KDM5A: variants seen among roughly 807,000 people sequenced by gnomAD.
KDM5A encodes the protein lysine-specific demethylase 5A.
Under a neutral mutation model 193.5 loss-of-function variants are expected in KDM5A, and 42 were observed. The ratio of observed to expected loss-of-function variants is 0.22; its 90% CI spans 0.17 to 0.28. The LOEUF (loss-of-function observed/expected upper bound fraction) is 0.28. Among genes scored for constraint, KDM5A ranks in the 10% least tolerant of loss-of-function variants. The probability of loss-of-function intolerance (pLI) is 1.00; values close to 1 mark genes in which losing one functional copy is unlikely to be tolerated. For missense variants in KDM5A, 1,692 were observed against 2,055.1 expected (o/e 0.82, Z 3.42); for synonymous variants, 796 against 718.1 (o/e 1.11, Z -1.73).
chr12:287,535 A>G (rs1943235101), intron 27 of KDM5A, among the ~76,000 whole-genome samples: 1 of 151,846 alleles, frequency 6.6e-6, no homozygotes, highest in Non-Finnish European at 1.5e-5. Flanking sequence ...GCATCTGTGC[A>G]AAATGTAAAA....
rs11830471 is a variant in KDM5A at position 311,906 on chromosome 12, C to T, written c.3037-842G>A. ...AAAATTAGCTAGGCGTGCTGGCATG[C>T]GCCTGTAGTCCCAGCTACTTGGGAA... On this transcript the variant is annotated intron_variant, in intron 20 of 27. Transcript: ENST00000399788. Among the ~76,000 whole-genome samples the T allele has an allele frequency of 3.8e-3, 571 of 152,208 alleles. 5 individuals carry two copies. Among genetic ancestry groups the T allele is most frequent in the African/African-American group, 0.013 (538 of 41,538 alleles).
chr12:378,740 C>T (rs371263361), intron 3 of KDM5A, among the ~76,000 whole-genome samples: 4 of 152,122 alleles, frequency 2.6e-5, no homozygotes, highest in East Asian at 1.9e-4. Context: ...GGGCGGATCA[C>T]GAGGTCAGGA....
intron 14 of KDM5A, among the ~76,000 whole-genome samples, chr12:325,884 A>T (rs1051406050): frequency 2.6e-5 from 4 of 152,094 alleles, no homozygotes; most frequent in East Asian, 1.9e-4. Flanking sequence ...CAAGGTGGTG[A>T]ACGCCTGTAA....
In KDM5A at chr12:352,280, TA is replaced by T; in HGVS notation, c.1073del (p.Val358AspfsTer32). The T allele has an allele frequency of 6.2e-7, 1 of 1,612,802 alleles. No homozygotes were observed. The highest frequency in any genetic ancestry group is 8.5e-7 in the Non-Finnish European group (1 of 1,178,812). On this transcript the variant is annotated frameshift_variant, in exon 9 of 28. Transcript: ENST00000399788. LOFTEE classifies it high-confidence loss of function. Reference sequence around the variant, plus strand: ...CAAAGCTCTGAAGTGTATACTCTCGTACAGCTTGTTCAAATCCAAAGGCTTC... The same window carrying T: ...CAAAGCTCTGAAGTGTATACTCTCGTCAGCTTGTTCAAATCCAAAGGCTTC... ...PREAFGFEQA[V>X]REYTLQSFGE...
intron 12 of KDM5A, among the ~76,000 whole-genome samples, chr12:332,646 T>G: frequency 6.6e-6 from 1 of 152,204 alleles, no homozygotes; most frequent in East Asian, 1.9e-4. Flanking sequence ...CATTATCTCA[T>G]GTATTAAAAG....
At position 318,383 on chromosome 12, in the gene KDM5A, GT is replaced by G; in HGVS notation, c.2619del (p.Lys873AsnfsTer5). On this transcript the variant is annotated frameshift_variant, in exon 19 of 28. Transcript: ENST00000399788. LOFTEE classifies it high-confidence loss of function. The part of the protein sequence containing the change: ...AMMDETPDSS[K>X]LQMLIDMGSS... ...GAGCCCATATCTATCAACATCTGGA[GT>G]TTGGAAGAATCTGGGGTTTCATCCA... 6.2e-7 allele frequency: 1 copy of G among 1,614,142 alleles called. No homozygotes were observed. The highest frequency in any genetic ancestry group is 8.5e-7 in the Non-Finnish European group (1 of 1,180,000).
chr12:370,250 G>A (rs191960383), intron 3 of KDM5A, among the ~76,000 whole-genome samples: 8 of 152,166 alleles, frequency 5.3e-5, no homozygotes, highest in East Asian at 1.9e-4. Flanking sequence ...AAAATTAGCA[G>A]GGCGTGGTGG....
chr12:384,032 T>C lies in KDM5A; in HGVS notation c.365A>G (p.Lys122Arg). 1 of 1,613,904 alleles carries C rather than the reference T, an allele frequency of 6.2e-7. No homozygotes were observed. Among genetic ancestry groups the C allele is most frequent in the Non-Finnish European group, 8.5e-7 (1 of 1,179,800 alleles). ...RKILDLYALS[K>R]IVASKGGFEM... is the part of the protein sequence containing the mutation. Reference sequence around the variant, plus strand: ...TTTCTAAACCAGTATGAGCCTCACCTTGCTCAAAGCATACAGATCCAGGAT... The same window carrying C: ...TTTCTAAACCAGTATGAGCCTCACCCTGCTCAAAGCATACAGATCCAGGAT... The change falls in exon 3 of 28, where the codon AAG becomes AGG. Residue 122 changes from lysine to arginine, a missense_variant and splice_region_variant. Around this residue, in one of 11 missense-constraint regions of KDM5A, gnomAD observed 120 missense variants for 172.0 expected, o/e 0.70. Transcript: ENST00000399788.
rs1943179706 is a variant in KDM5A at position 283,450 on chromosome 12, A to G, written c.*2006T>C. On this transcript the variant is annotated 3_prime_UTR_variant, in exon 28 of 28. Transcript: ENST00000399788. ...CTAACAAACCTCTGAACAAGTCAAA[A>G]CACTCAAAATGTTATACAGTATTAA... The G allele has an allele frequency of 4.3e-6, 1 of 232,870 alleles. No homozygotes were observed. The highest frequency in any genetic ancestry group is 8.5e-6 in the Non-Finnish European group (1 of 117,644). The allele number at this position is 232,870 out of a possible 1,614,324, so 14.4% of individuals were successfully genotyped here.
chr12:328,831 T>C lies in KDM5A; in HGVS notation c.1968+4A>G. ...AACATAGAAAATGTGCTCAGCAAAC[T>C]CACCATCTGTACAACAGACTCTCTT... is the stretch of plus-strand genomic sequence containing the variant. On this transcript the variant is annotated splice_donor_region_variant and intron_variant, in intron 14 of 27. Transcript: ENST00000399788. 4 of 1,613,390 alleles carry C rather than the reference T, an allele frequency of 2.5e-6. No homozygotes were observed. Among genetic ancestry groups the C allele is most frequent in the Non-Finnish European group, 2.5e-6 (3 of 1,179,890 alleles).
At position 317,009 on chromosome 12, in the gene KDM5A, A is replaced by G. The variant is rs547492808; in HGVS notation, c.2897+1097T>C. 8.5e-5 allele frequency among the ~76,000 whole-genome samples: 13 copies of G among 152,336 alleles called. No homozygotes were observed. The East Asian group carries it at 2.3e-3, about 27-fold the overall frequency. The stretch of plus-strand genomic sequence containing the variant: ...CTCATCCTCACAATAGAAATTATAT[A>G]AATATTAATCTTAGCTGCTAGAGAA... On this transcript the variant is annotated intron_variant, in intron 19 of 27. Transcript: ENST00000399788.
At chr12:356,894 C>T (rs141017644) in intron 5 of KDM5A, among the ~76,000 whole-genome samples, 209 of 152,324 alleles carry the variant, frequency 1.4e-3, no homozygotes, top group Middle Eastern at 0.01. Context: ...CTGTGACTGT[C>T]CTAAGCCAAT....
intron 10 of KDM5A, among the ~76,000 whole-genome samples, chr12:347,359 G>A (rs187213122): frequency 1.7e-3 from 255 of 148,518 alleles, no homozygotes; most frequent in Non-Finnish European, 3.0e-3. Flanking sequence ...TCCATTCAAC[G>A]CCATCCCCAT....
chr12:339,660 C>CA (rs2137433102), intron 10 of KDM5A, among the ~76,000 whole-genome samples: 1 of 152,264 alleles, frequency 6.6e-6, no homozygotes, highest in East Asian at 1.9e-4. Context: ...TTACTTAACT[C>CA]AAAGAGTCAC....
At chr12:365,809 A>G in intron 4 of KDM5A, 125 bp downstream of exon 4, 1 of 743,146 alleles carries the variant, frequency 1.3e-6, no homozygotes, top group Non-Finnish European at 2.4e-6. Flanking sequence ...TGATTTTTAC[A>G]CTATGATATA....
chr12:329,942 T>C (rs1565535836), intron 13 of KDM5A, among the ~76,000 whole-genome samples: 1 of 152,094 alleles, frequency 6.6e-6, no homozygotes, highest in Admixed American at 6.6e-5. Context: ...AGAATTCATC[T>C]ACAGTTTGAG....
At chr12:305,980 T>G (rs1314411062) in intron 24 of KDM5A, among the ~76,000 whole-genome samples, 13 of 148,304 alleles carry the variant, frequency 8.8e-5, no homozygotes, top group Middle Eastern at 3.4e-3. Context: ...TTTTTTTTTT[T>G]TTTTTTTTTT....
intron 10 of KDM5A, among the ~76,000 whole-genome samples, chr12:341,410 A>G (rs893429247): frequency 6.6e-6 from 1 of 152,190 alleles, no homozygotes; most frequent in Non-Finnish European, 1.5e-5. Flanking sequence ...GGTAAATCCC[A>G]AAGTCTATTC....
At chr12:331,617 G>A (rs1303000841) in intron 13 of KDM5A, among the ~76,000 whole-genome samples, 1 of 152,084 alleles carries the variant, frequency 6.6e-6, no homozygotes, top group African/African-American at 2.4e-5. Flanking sequence ...TAATAAATGG[G>A]TAAGAAGAAC....
Sources: allele counts gnomAD v4.1 joint callset (sites outside exome capture counted in the v4.1 genomes callset), GRCh38; gene constraint gnomAD v4.1.1; regional missense constraint gnomAD v4.1.1; transcripts MANE v1.5; gene names NCBI Gene and HGNC (gene_info 2026-07-23, HGNC 2026-07-21).